KIF15: variants seen among roughly 807,000 people sequenced by gnomAD.
KIF15 encodes kinesin family member 15, also known as kinesin-like protein KIF15.
Under a neutral mutation model 190.6 loss-of-function variants are expected in KIF15, and 140 were observed. That is an observed-to-expected ratio of 0.73 (90% confidence interval 0.64 to 0.84). The LOEUF (loss-of-function observed/expected upper bound fraction) is 0.84, where lower values mean the gene tolerates loss of function less well. KIF15 is among the 40% of genes least tolerant of loss of function. The probability of loss-of-function intolerance (pLI) is 0.00; values close to 1 mark genes in which losing one functional copy is unlikely to be tolerated. For missense variants in KIF15, 1,372 were observed against 1,584.4 expected (o/e 0.87, Z 2.28); for synonymous variants, 528 against 551.3 (o/e 0.96, Z 0.59).
intron 2 of KIF15, among the ~76,000 whole-genome samples, chr3:44,774,837 C>T (rs1374517516): frequency 1.3e-5 from 2 of 152,186 alleles, no homozygotes; most frequent in Admixed American, 6.5e-5. Flanking sequence ...GCAGGGCTCA[C>T]GCCAGTAATC....
At chr3:44,829,402 GTATATATATTACA>G in intron 24 of KIF15, among the ~76,000 whole-genome samples, 1 of 135,546 alleles carries the variant, frequency 7.4e-6, no homozygotes, top group Non-Finnish European at 1.6e-5. Flanking sequence ...GTGTGTGTAT[GTATATATATTACA>G]TATGTATATA....
intron 24 of KIF15, among the ~76,000 whole-genome samples, chr3:44,829,604 A>ATATATTATATATGTATATATG (rs1491488325): frequency 1.8e-3 from 57 of 32,198 alleles, no homozygotes; most frequent in Non-Finnish European, 2.2e-3. Flanking sequence ...TTATATATGC[A>ATATATTATATATGTATATATG]TATATATTAT....
In KIF15 at chr3:44,802,932, C is replaced by G. The variant is rs148546332; in HGVS notation, c.1628C>G (p.Thr543Ser). 116 of 1,607,380 alleles carry G rather than the reference C, an allele frequency of 7.2e-5. No individual in the cohort carries two copies. In the African/African-American group the frequency reaches 1.4e-3, roughly 19 times the overall value. Residue 543 changes from threonine (T) to serine (S), a missense_variant, in exon 14 of 35, where the codon ACC becomes AGC. By Grantham distance (58) the Thr-to-Ser change is moderately conservative. Transcript: ENST00000326047. ...VKRAQEMDAQ[T>S]IAKLEKAFSE... ...AGAGCTCAAGAAATGGATGCCCAGA[C>G]CATTGCAAAACTAGAAAAAGCTTTC...
intron 7 of KIF15, among the ~76,000 whole-genome samples, chr3:44,792,303 C>G (rs950918233): frequency 6.6e-6 from 1 of 151,744 alleles, no homozygotes; most frequent in African/African-American, 2.4e-5. Context: ...TGATGAAACC[C>G]TGTCTCTATT....
At chr3:44,822,904 G>T (rs977213450) in intron 20 of KIF15, among the ~76,000 whole-genome samples, 1 of 152,078 alleles carries the variant, frequency 6.6e-6, no homozygotes, top group Non-Finnish European at 1.5e-5. Flanking sequence ...TTAGCCATTC[G>T]TCTAATCTTT....
intron 16 of KIF15, among the ~76,000 whole-genome samples, chr3:44,808,546 G>A (rs1020117312): frequency 2.7e-5 from 4 of 150,802 alleles, no homozygotes; most frequent in Non-Finnish European, 5.9e-5. Context: ...AATATATACA[G>A]ACTGAGAAAA....
rs143776282 is a variant in KIF15 at position 44,799,210 on chromosome 3, A to G, written c.1099-1104A>G. The G allele has an allele frequency of 2.0e-4, 89 of 456,368 alleles. 2 individuals are homozygous for G. The East Asian group carries it at 2.0e-3, about 10-fold the overall frequency. The allele number at this position is 456,368 out of a possible 1,614,324, so 28.3% of individuals were successfully genotyped here. A position where few individuals can be genotyped will look rare whatever the true frequency, so the allele number is the denominator to read the frequency against. On this transcript the variant is annotated intron_variant, in intron 10 of 34. Transcript: ENST00000326047. ...GTAGTACCTTGTAATGAGGCTGGCC[A>G]TAAGAATCAGAAGCAACTGGAAATG... is the stretch of plus-strand genomic sequence containing the variant.
At chr3:44,786,640 C>A in intron 7 of KIF15, 66 bp downstream of exon 7, 1 of 1,342,284 alleles carries the variant, frequency 7.4e-7, no homozygotes, top group South Asian at 1.7e-5. Context: ...ACCCCAAACT[C>A]CAAAAAGTGA....
rs371805425 is a variant in KIF15 at position 44,843,264 on chromosome 3, C to T, written c.3695+30C>T. Reference sequence around the variant, plus strand: ...GAAAGAACCACGAGAACTCTATGGGCTAAATCTTGGCCTGCCTGTGTGGAG... The same window carrying T: ...GAAAGAACCACGAGAACTCTATGGGTTAAATCTTGGCCTGCCTGTGTGGAG... On this transcript the variant is annotated intron_variant, in intron 30 of 34. Transcript: ENST00000326047. 1.3e-5 allele frequency: 19 copies of T among 1,468,472 alleles called. No homozygotes were observed. The African/African-American group carries it at 2.1e-4, about 16-fold the overall frequency. The allele number at this position is 1,468,472 out of a possible 1,614,324, so 91.0% of individuals were successfully genotyped here.
At chr3:44,779,592 T>C (rs1205259716) in intron 4 of KIF15, among the ~76,000 whole-genome samples, 2 of 152,110 alleles carry the variant, frequency 1.3e-5, no homozygotes, top group Admixed American at 6.5e-5. Context: ...CCCAGCACTT[T>C]GGGGGGCCGA....
intron 10 of KIF15, among the ~76,000 whole-genome samples, chr3:44,799,019 T>C (rs1707129577): frequency 6.6e-6 from 1 of 152,240 alleles, no homozygotes; most frequent in South Asian, 2.1e-4. Flanking sequence ...TAGTCATTTA[T>C]TTTATTTCCT....
chr3:44,824,221 G>A (rs748465972), intron 20 of KIF15, among the ~76,000 whole-genome samples: 4 of 152,180 alleles, frequency 2.6e-5, no homozygotes, highest in Non-Finnish European at 5.9e-5. Flanking sequence ...TAAAAATTGA[G>A]TGTTTTATTA....
At chr3:44,821,086 C>A (rs540712977) in intron 20 of KIF15, among the ~76,000 whole-genome samples, 1 of 146,362 alleles carries the variant, frequency 6.8e-6, no homozygotes, top group African/African-American at 2.6e-5. Context: ...GGGCTGACCC[C>A]CCCCACCTCC....
At chr3:44,768,121 A>C (rs1705479941) in intron 1 of KIF15, among the ~76,000 whole-genome samples, 1 of 151,584 alleles carries the variant, frequency 6.6e-6, no homozygotes, top group African/African-American at 2.4e-5. Flanking sequence ...TAAAATACAA[A>C]AAATTAGCCA....
At chr3:44,787,782 T>C (rs1347953689) in intron 7 of KIF15, among the ~76,000 whole-genome samples, 1 of 152,228 alleles carries the variant, frequency 6.6e-6, no homozygotes, top group African/African-American at 2.4e-5. Context: ...TACTTTTTGT[T>C]AACTTTATTC....
At position 44,830,954 on chromosome 3, in the gene KIF15, A is replaced by G; in HGVS notation, c.3107A>G (p.Gln1036Arg). ...REESRVLIKK[Q>R]EVDILDLKET... ...GAGAGCAGAGTGTTGATCAAGAAGC[A>G]GGAAGTGGATATTCTGGATCTGAAA... Residue 1036 changes from glutamine (Q) to arginine (R), a missense_variant, in exon 26 of 35, where the codon CAG becomes CGG. Coordinates refer to ENST00000326047, the MANE Select transcript of KIF15 (RefSeq NM_020242.3). 5 of 1,613,970 alleles carry G rather than the reference A, an allele frequency of 3.1e-6. No individual in the cohort carries two copies. Among genetic ancestry groups the G allele is most frequent in the Non-Finnish European group, 4.2e-6 (5 of 1,179,882 alleles).
chr3:44,828,247 C>G lies in KIF15; in HGVS notation c.2890C>G (p.Leu964Val). 1 of 1,613,714 alleles carries G rather than the reference C, an allele frequency of 6.2e-7. No homozygotes were observed. Among genetic ancestry groups the G allele is most frequent in the Non-Finnish European group, 8.5e-7 (1 of 1,179,698 alleles). The change falls in exon 24 of 35, where the codon CTT becomes GTT. Residue 964 changes from leucine to valine, a missense_variant. Transcript: ENST00000326047. Reference protein sequence around the residue: ...AKVQKLEESLLATEKVISSLE... With the variant: ...AKVQKLEESLVATEKVISSLE... ...AGTACAGAAACTAGAAGAGAGCTTG[C>G]TTGCTACTGAAAAAGTGATCAGTTC...
intron 6 of KIF15, among the ~76,000 whole-genome samples, chr3:44,859,911 G>C (rs1224583087): frequency 6.6e-6 from 1 of 152,202 alleles, no homozygotes; most frequent in Non-Finnish European, 1.5e-5. Context: ...TGTGTACACA[G>C]GAGTTTCTTA....
chr3:44,847,251 T>G (rs1016540757), intron 30 of KIF15, among the ~76,000 whole-genome samples: 4 of 152,158 alleles, frequency 2.6e-5, no homozygotes, highest in East Asian at 1.9e-4. Context: ...GTGAGAGAGA[T>G]ATTCCTAGAG....
Sources: gnomAD v4.1 joint callset for allele counts (sites outside exome capture counted in the v4.1 genomes callset) on GRCh38, gnomAD v4.1.1 for gene constraint, MANE v1.5 for transcripts, NCBI Gene and HGNC (gene_info 2026-07-23, HGNC 2026-07-21) for gene names.